The following UBOX5 variants were observed in gnomAD, a reference collection of about 807,000 sequenced individuals.
UBOX5 encodes the protein RING finger protein 37.
UBOX5 carries 28 observed loss-of-function variants against 39.0 expected under a neutral mutation model. The ratio of observed to expected loss-of-function variants is 0.72; its 90% CI spans 0.53 to 0.98. The LOEUF (loss-of-function observed/expected upper bound fraction) is 0.98, where lower values mean the gene tolerates loss of function less well. Ranked by LOEUF, UBOX5 falls within the 50% of genes least tolerant of loss-of-function variation. The pLI is 0.00. For missense variants in UBOX5, 585 were observed against 674.4 expected, an observed-to-expected ratio of 0.87 and a Z score of 1.47; for synonymous variants, 283 against 275.5, an observed-to-expected ratio of 1.03 and a Z score of -0.27.
Position 3,122,454 on chromosome 20 carries a change from T to G in UBOX5, c.185A>C (p.Glu62Ala). The G allele has an allele frequency of 1.2e-6, 2 of 1,614,194 alleles. No homozygotes were observed. The highest frequency in any genetic ancestry group is 1.7e-6 in the Non-Finnish European group (2 of 1,180,038). ...GAGGTCTATGTTGATCCTACAGATT[T>G]CCACATTAAAGGGAAATGAAACTGT... Reference protein sequence around the residue: ...YVTVSFPFNVEICRINIDLTA... With the variant: ...YVTVSFPFNVAICRINIDLTA... The change falls in exon 3 of 5, where the codon GAA becomes GCA. Residue 62 changes from glutamate to alanine, a missense_variant. Transcript: ENST00000217173.
intron 1 of UBOX5, among the ~76,000 whole-genome samples, chr20:3,129,797 T>G (rs2066415918): frequency 6.6e-6 from 1 of 152,236 alleles, no homozygotes; most frequent in South Asian, 2.1e-4. Flanking sequence ...TGGATCACAT[T>G]CCTTCTTGAC....
chr20:3,115,598 G>A lies in UBOX5; in HGVS notation c.1256-132C>T, dbSNP rs575191027. ...CAATGTAATGAAACTCCATCCTAAT[G>A]TCTACTGGCGGACCATGACAGAACA... On this transcript the variant is annotated intron_variant, in intron 3 of 4. Transcript: ENST00000217173. 16 of 1,027,236 alleles carry A rather than the reference G, an allele frequency of 1.6e-5. No homozygotes were observed. In the East Asian group the frequency reaches 3.8e-4, roughly 24 times the overall value. 63.6% of individuals were successfully genotyped at this position (1,027,236 alleles called of 1,614,324 possible).
At chr20:3,121,247 G>A in intron 3 of UBOX5, 137 bp downstream of exon 3, 1 of 1,320,514 alleles carries the variant, frequency 7.6e-7, no homozygotes. Flanking sequence ...GCCCCAGGAT[G>A]GGAAACGGGA....
intron 3 of UBOX5, among the ~76,000 whole-genome samples, chr20:3,117,963 G>C (rs184072332): frequency 6.6e-6 from 1 of 152,104 alleles, no homozygotes; most frequent in Non-Finnish European, 1.5e-5. Context: ...CTGCACTCCA[G>C]CCAGGGCGAC....
chr20:3,126,435 C>T (rs536850919), intron 1 of UBOX5, among the ~76,000 whole-genome samples: 7 of 151,272 alleles, frequency 4.6e-5, no homozygotes, highest in Non-Finnish European at 7.4e-5. Flanking sequence ...TATCTGCTGA[C>T]CTTCTCTCCA....
intron 3 of UBOX5, among the ~76,000 whole-genome samples, chr20:3,119,640 G>C (rs749158535): frequency 1.4e-4 from 22 of 151,956 alleles, no homozygotes; most frequent in Non-Finnish European, 2.9e-4. Flanking sequence ...AATCACCTGA[G>C]GTCAGGAGTT....
intron 1 of UBOX5, chr20:3,148,774 T>C (rs2066594731): frequency 6.2e-7 from 1 of 1,614,250 alleles, no homozygotes; most frequent in African/African-American, 1.3e-5. Context: ...CATCAACTCC[T>C]GTGGCCCTGG....
chr20:3,143,300 C>G (rs1193069548), intron 1 of UBOX5, among the ~76,000 whole-genome samples: 1 of 151,674 alleles, frequency 6.6e-6, no homozygotes, highest in African/African-American at 2.4e-5. Context: ...ACAGGTTTCA[C>G]CATGTTGGCA....
intron 1 of UBOX5, among the ~76,000 whole-genome samples, chr20:3,127,036 C>CAAAAAA (rs10579307): frequency 1.5e-5 from 1 of 66,152 alleles, no homozygotes; most frequent in Non-Finnish European, 2.7e-5. Flanking sequence ...AACTCCGTCT[C>CAAAAAA]AAAAAAAAAA....
intron 1 of UBOX5, among the ~76,000 whole-genome samples, chr20:3,139,953 C>G (rs1188141594): frequency 6.6e-6 from 1 of 150,530 alleles, no homozygotes; most frequent in Non-Finnish European, 1.5e-5. Context: ...TGTCATCTGC[C>G]CACTTGGGCC....
Position 3,136,839 on chromosome 20 carries a change from T to C in UBOX5, c.-41-13433A>G, listed in dbSNP as rs1275884335. Among the ~76,000 whole-genome samples, 3 of 151,578 alleles carry C rather than the reference T, an allele frequency of 2.0e-5. No homozygotes were observed. The East Asian group carries it at 5.8e-4, about 29-fold the overall frequency. On this transcript the variant is annotated intron_variant, in intron 1 of 4. Transcript: ENST00000217173. ...CCCAGCTAATTTTTTGTATTTTTAG[T>C]AGAGACGGGGTTTCACTGTGTTAGC...
intron 1 of UBOX5, among the ~76,000 whole-genome samples, chr20:3,150,202 A>G (rs1429422453): frequency 6.6e-6 from 1 of 152,140 alleles, no homozygotes; most frequent in Non-Finnish European, 1.5e-5. Context: ...GAGTAGTCAC[A>G]GAGTAATGGT....
rs1200986265 is a variant in UBOX5, at chr20:3,121,758, C to A, written c.881G>T (p.Arg294Leu). The A allele has an allele frequency of 8.7e-6, 14 of 1,614,074 alleles. No individual in the cohort carries two copies. The highest frequency in any genetic ancestry group is 1.2e-5 in the Non-Finnish European group (14 of 1,180,024). Residue 294 changes from arginine to leucine, a missense_variant, in exon 3 of 5, where the codon CGC becomes CTC. Arg to Leu is a moderately radical substitution (Grantham distance 102). Transcript: ENST00000217173. ...CACTCGGCCCCATGTGGCTTCACTG[C>A]GGTTACACTTCTCCAGTGTGCTCTG... ...IDQSTLEKCNRSEATWGRVPS... is the reference protein window; with the variant it reads ...IDQSTLEKCNLSEATWGRVPS...
Position 3,131,096 on chromosome 20 carries a change from G to A in UBOX5, c.-41-7690C>T, listed in dbSNP as rs188120132. 1.6e-3 allele frequency among the ~76,000 whole-genome samples: 246 copies of A among 152,200 alleles called. 1 individual carries two copies. Among genetic ancestry groups the A allele is most frequent in the South Asian group, 2.7e-3 (13 of 4,814 alleles). ...ATACAAAAATTATCCAGGCATGGTGGCGTGAGCCTGTAGCCCCAGTTACTC... is the reference window on the plus strand; with the variant it reads ...ATACAAAAATTATCCAGGCATGGTGACGTGAGCCTGTAGCCCCAGTTACTC... On this transcript the variant is annotated intron_variant, in intron 1 of 4. Transcript: ENST00000217173.
intron 1 of UBOX5, among the ~76,000 whole-genome samples, chr20:3,154,134 G>C (rs2066660841): frequency 6.6e-6 from 1 of 152,142 alleles, no homozygotes; most frequent in African/African-American, 2.4e-5. Flanking sequence ...CAGAAACTAG[G>C]GTTCAATACA....
rs6051595 is a variant in UBOX5 at position 3,133,759 on chromosome 20, G to C, written c.-41-10353C>G. On this transcript the variant is annotated intron_variant, in intron 1 of 4. Transcript: ENST00000217173. ...TCTTTTTTTTTCTTATTTTTTTTGG[G>C]GGGGGGAAACAGGCTCTCACTCCCA... Among the ~76,000 whole-genome samples, 99 of 150,252 alleles carry C rather than the reference G, an allele frequency of 6.6e-4. 1 individual carries two copies. The highest frequency in any genetic ancestry group is 6.9e-3 in the Middle Eastern group (2 of 288).
At chr20:3,147,721 A>C (rs1361605122) in intron 1 of UBOX5, 1 of 1,614,230 alleles carries the variant, frequency 6.2e-7, no homozygotes, top group Middle Eastern at 1.6e-4. Context: ...GGCTGGAGTA[A>C]AATTCTTCTG....
rs538294241 is a variant in UBOX5 at position 3,158,636 on chromosome 20, A to G, written c.-42+1130T>C. Among the ~76,000 whole-genome samples the G allele has an allele frequency of 4.3e-4, 66 of 152,070 alleles. 1 individual carries two copies. In the South Asian group the frequency reaches 5.8e-3, roughly 13 times the overall value. ...ACTACAGGCGCCCGCCACCACGCCC[A>G]GCTATTTTTTTGTATTTTTAGTAGA... On this transcript the variant is annotated intron_variant, in intron 1 of 4. Transcript: ENST00000217173.
chr20:3,151,514 A>G (rs2066624615), intron 1 of UBOX5, among the ~76,000 whole-genome samples: 1 of 152,190 alleles, frequency 6.6e-6, no homozygotes, highest in African/African-American at 2.4e-5. Flanking sequence ...AAAATTAGAA[A>G]AACTTGGCCA....
Sources: allele counts gnomAD v4.1 joint callset (sites outside exome capture counted in the v4.1 genomes callset), GRCh38; gene constraint gnomAD v4.1.1; transcripts MANE v1.5; gene names NCBI Gene and HGNC (gene_info 2026-07-23, HGNC 2026-07-21).